PUM1: variants seen among roughly 807,000 people sequenced by gnomAD.
The protein encoded by PUM1 is pumilio RNA binding family member 1, also known as pumilio homolog 1.
PUM1 carries 13 observed loss-of-function variants against 131.8 expected under a neutral mutation model. That is an observed-to-expected ratio of 0.10 (90% CI 0.06 to 0.16). PUM1 has a LOEUF of 0.16. Among genes scored for constraint, PUM1 ranks in the 10% least tolerant of loss-of-function variants. The pLI is 1.00. For synonymous variants in PUM1, 509 were observed against 556.5 expected, an observed-to-expected ratio of 0.91 and a Z score of 1.20; for missense variants, 961 against 1,512.4, an observed-to-expected ratio of 0.64 and a Z score of 6.05.
At chr1:31,009,767 C>CAAAAAAAAAAAAAAAAAAAAAAAA (rs751375199) in intron 3 of PUM1, among the ~76,000 whole-genome samples, 1 of 54,682 alleles carries the variant, frequency 1.8e-5, no homozygotes, top group African/African-American at 6.5e-5. Flanking sequence ...GACTCTGTCT[C>CAAAAAAAAAAAAAAAAAAAAAAAA]AAAAAAAAAA....
chr1:31,002,415 T>G (rs1642249353), intron 5 of PUM1, among the ~76,000 whole-genome samples: 1 of 151,748 alleles, frequency 6.6e-6, no homozygotes, highest in Admixed American at 6.6e-5. Flanking sequence ...TAATCAAAGT[T>G]TAGAGTGATC....
At chr1:31,050,015 G>A (rs945969894) in intron 2 of PUM1, among the ~76,000 whole-genome samples, 1 of 151,602 alleles carries the variant, frequency 6.6e-6, no homozygotes, top group Non-Finnish European at 1.5e-5. Context: ...TTTTTTAGTA[G>A]AGACGGGGTT....
chr1:30,983,739 G>A (rs578123768), intron 7 of PUM1, among the ~76,000 whole-genome samples: 34 of 149,278 alleles, frequency 2.3e-4, no homozygotes, highest in East Asian at 1.2e-3. Flanking sequence ...AAGTAGCTGC[G>A]CATGTCACCA....
chr1:30,941,227 G>A lies in PUM1; in HGVS notation c.3166C>T (p.Arg1056Cys), dbSNP rs754029820. Residue 1056 changes from arginine to cysteine, a missense_variant, in exon 20 of 22, where the codon CGT (arginine) becomes TGT (cysteine). Transcript: ENST00000426105. Reference sequence around the variant, plus strand: ...ACAATTTTGCTTTTATCCTCAGGACGACCGTGCTCCAGTACATGTTGGATT... The same window carrying A: ...ACAATTTTGCTTTTATCCTCAGGACAACCGTGCTCCAGTACATGTTGGATT... Reference protein sequence around the residue: ...YVIQHVLEHGRPEDKSKIVAE... With the variant: ...YVIQHVLEHGCPEDKSKIVAE... 7.4e-6 allele frequency: 12 copies of A among 1,612,062 alleles called. No homozygotes were observed. Among genetic ancestry groups the A allele is most frequent in the South Asian group, 4.4e-5 (4 of 91,024 alleles).
intron 18 of PUM1, among the ~76,000 whole-genome samples, chr1:30,942,610 T>C (rs1470306748): frequency 6.6e-6 from 1 of 152,110 alleles, no homozygotes; most frequent in Admixed American, 6.6e-5. Context: ...TTTGCTGGGT[T>C]TGGAGCAATA....
intron 16 of PUM1, among the ~76,000 whole-genome samples, chr1:30,951,475 A>C (rs543687858): frequency 6.6e-6 from 1 of 152,168 alleles, no homozygotes; most frequent in African/African-American, 2.4e-5. Context: ...GACATTTACA[A>C]ATTTGTTTTG....
chr1:31,001,286 T>C (rs1642202771), intron 5 of PUM1, among the ~76,000 whole-genome samples: 1 of 152,104 alleles, frequency 6.6e-6, no homozygotes, highest in Non-Finnish European at 1.5e-5. Flanking sequence ...CAAGAATCAC[T>C]TGAACCCAGG....
intron 3 of PUM1, among the ~76,000 whole-genome samples, chr1:31,021,782 A>G (rs1643036649): frequency 6.6e-6 from 1 of 152,144 alleles, no homozygotes; most frequent in South Asian, 2.1e-4. Context: ...GGAGGGAGCA[A>G]AAAAGCTTTA....
At chr1:30,937,765 TTTTTA>T (rs1454843001) in intron 20 of PUM1, among the ~76,000 whole-genome samples, 49 of 151,976 alleles carry the variant, frequency 3.2e-4, no homozygotes, top group Admixed American at 9.2e-4. Context: ...AGACATTTAT[TTTTTA>T]TTTTATTTTC....
intron 1 of PUM1, 126 bp downstream of exon 1, chr1:31,065,490 G>A (rs1644464026): frequency 1.7e-6 from 2 of 1,157,420 alleles, no homozygotes; most frequent in African/African-American, 1.6e-5. Context: ...CCTCAGCCAG[G>A]GCCCCGGCGG....
intron 10 of PUM1, among the ~76,000 whole-genome samples, chr1:30,969,111 C>G (rs1344708608): frequency 6.6e-6 from 1 of 152,036 alleles, no homozygotes; most frequent in Non-Finnish European, 1.5e-5. Context: ...CGAGACCAGC[C>G]TGGCCAACAT....
At chr1:30,965,857 G>A (rs1640599828) in intron 13 of PUM1, 125 bp downstream of exon 13, 1 of 961,388 alleles carries the variant, frequency 1.0e-6, no homozygotes, top group East Asian at 2.6e-5. Flanking sequence ...AGATTATGTG[G>A]GATGGCTGGA....
chr1:30,933,240 T>A lies in PUM1; in HGVS notation c.3538A>T (p.Ile1180Phe). Residue 1180 changes from isoleucine to phenylalanine, a missense_variant, in exon 22 of 22, where the codon ATC becomes TTC. This residue lies in a region of PUM1 where 178 missense variants were observed against 327.5 expected (regional missense o/e 0.54). Coordinates refer to ENST00000426105, the MANE Select transcript of PUM1 (RefSeq NM_001020658.2). ...ATGATACCATTAGGGGGGCCACAGA[T>A]GGGCCCTAAGTCAACACCGTTCTTC... Reference protein sequence around the residue: ...YMKNGVDLGPICGPPNGII With the variant: ...YMKNGVDLGPFCGPPNGII 1 of 1,613,522 alleles carries A rather than the reference T, an allele frequency of 6.2e-7. No individual in the cohort carries two copies. The highest frequency in any genetic ancestry group is 1.1e-5 in the South Asian group (1 of 90,984).
intron 20 of PUM1, among the ~76,000 whole-genome samples, chr1:30,938,237 AG>A (rs1305024743): frequency 1.3e-5 from 2 of 151,976 alleles, no homozygotes; most frequent in Admixed American, 1.3e-4. Flanking sequence ...CAGAGTACAA[AG>A]TAAATTTTTC....
chr1:30,965,685 A>G (rs1357639179), intron 13 of PUM1, among the ~76,000 whole-genome samples: 1 of 152,186 alleles, frequency 6.6e-6, no homozygotes, highest in African/African-American at 2.4e-5. Context: ...TCAGTTTTTG[A>G]TATCAATTTC....
chr1:30,961,308 G>A (rs1001990058), intron 14 of PUM1, among the ~76,000 whole-genome samples: 4 of 147,526 alleles, frequency 2.7e-5, no homozygotes, highest in Non-Finnish European at 5.9e-5. Context: ...CCCGGAGTTC[G>A]AGACCACCCT....
At chr1:30,999,606 C>CCAAAAAAAAA (rs1642123395) in intron 5 of PUM1, among the ~76,000 whole-genome samples, 1 of 53,956 alleles carries the variant, frequency 1.9e-5, no homozygotes. Flanking sequence ...GACTCTGTCT[C>CCAAAAAAAAA]AAAAAAAAAA....
Position 31,043,212 on chromosome 1 carries a change from C to CTT in PUM1, c.364-14350_364-14349dup, listed in dbSNP as rs35914317. ...ACTCTAACAAATTAAAGAACATTTC[C>CTT]TTTTTTTTTGAGACAGTTTCACTCT... On this transcript the variant is annotated intron_variant, in intron 2 of 21. Coordinates refer to ENST00000426105, the MANE Select transcript of PUM1 (RefSeq NM_001020658.2). Among the ~76,000 whole-genome samples, 23 of 150,838 alleles carry CTT rather than the reference C, an allele frequency of 1.5e-4. No individual in the cohort carries two copies. The East Asian group carries it at 1.9e-3, about 13-fold the overall frequency.
In PUM1 at chr1:30,932,179, T is replaced by C. The variant is rs1638993117; in HGVS notation, c.*1032A>G. 1 of 152,612 alleles carries C rather than the reference T, an allele frequency of 6.6e-6. No individual in the cohort carries two copies. Among genetic ancestry groups the C allele is most frequent in the South Asian group, 2.1e-4 (1 of 4,828 alleles). The allele number at this position is 152,612 out of a possible 1,614,324, so 9.5% of individuals were successfully genotyped here. A position where few individuals can be genotyped will look rare whatever the true frequency, so the allele number is the denominator to read the frequency against. On this transcript the variant is annotated 3_prime_UTR_variant, in exon 22 of 22. Coordinates refer to ENST00000426105, the MANE Select transcript of PUM1 (RefSeq NM_001020658.2). The stretch of plus-strand genomic sequence containing the variant: ...ATGCACAGGGCTGGCTAATTCTCTT[T>C]TCTTACCAAAAAACGTGTTTATGTT...
Sources: allele counts gnomAD v4.1 joint callset (sites outside exome capture counted in the v4.1 genomes callset), GRCh38; gene constraint gnomAD v4.1.1; regional missense constraint gnomAD v4.1.1; transcripts MANE v1.5; gene names NCBI Gene and HGNC (gene_info 2026-07-23, HGNC 2026-07-21).